The following LRCH3 variants were observed in gnomAD, a reference collection of about 807,000 sequenced individuals.
The protein encoded by LRCH3 is DISP complex protein LRCH3.
LRCH3 carries 68 observed loss-of-function variants against 104.5 expected under a neutral mutation model. The ratio of observed to expected loss-of-function variants is 0.65; its 90% confidence interval spans 0.54 to 0.80. The LOEUF (loss-of-function observed/expected upper bound fraction) is 0.80, where lower values mean the gene tolerates loss of function less well. Ranked by LOEUF, LRCH3 falls within the 30% of genes least tolerant of loss-of-function variation. The pLI is 0.00. For missense variants in LRCH3, 951 were observed against 953.9 expected, an observed-to-expected ratio of 1.00 and a Z score of 0.04; for synonymous variants, 344 against 361.3, an observed-to-expected ratio of 0.95 and a Z score of 0.54.
chr3:197,847,984 A>G lies in LRCH3; in HGVS notation c.1493A>G (p.Lys498Arg), dbSNP rs1739003389. The G allele has an allele frequency of 1.9e-6, 3 of 1,614,086 alleles. No homozygotes were observed. The highest frequency in any genetic ancestry group is 2.5e-6 in the Non-Finnish European group (3 of 1,180,044). The change falls in exon 12 of 21, where the codon AAG becomes AGG. Residue 498 changes from lysine to arginine, a missense_variant. Lys to Arg is a conservative substitution (Grantham distance 26). Transcript: ENST00000425562. ...TATGAGGAGGAGAAAATAAGGACCA[A>G]GCAGATCCAGAGAGATGCTGTCCTG... ...LQYEEEKIRT[K>R]QIQRDAVLDF... is the part of the protein sequence containing the mutation.
At chr3:197,821,425 G>GA (rs1362770725) in intron 4 of LRCH3, among the ~76,000 whole-genome samples, 5 of 152,154 alleles carry the variant, frequency 3.3e-5, no homozygotes, top group Non-Finnish European at 7.3e-5. Context: ...TATTTTATGA[G>GA]ATCCAGAATA....
intron 19 of LRCH3, among the ~76,000 whole-genome samples, chr3:197,875,119 CG>C (rs1712724353): frequency 6.6e-6 from 1 of 151,970 alleles, no homozygotes; most frequent in Non-Finnish European, 1.5e-5. Context: ...TTAGTAGAGA[CG>C]GGGTTTCTCC....
At chr3:197,826,698 A>ATCTCATTTTTACCACTTTGCTACCACTTT (rs1186846718) in intron 4 of LRCH3, among the ~76,000 whole-genome samples, 180 bp from the exon 5 acceptor site, 1 of 152,032 alleles carries the variant, frequency 6.6e-6, no homozygotes, top group African/African-American at 2.4e-5. Context: ...AGGCAACTGG[A>ATCTCATTTTTACCACTTTGCTACCACTTT]TCTCATTTTT....
At position 197,817,230 on chromosome 3, in the gene LRCH3, C is replaced by A. The variant is rs773086327; in HGVS notation, c.462C>A (p.Val154=). The A allele has an allele frequency of 2.8e-5, 45 of 1,610,054 alleles. No individual in the cohort carries two copies. The highest frequency in any genetic ancestry group is 3.6e-5 in the Non-Finnish European group (43 of 1,178,268). ...ACTTGTGTAATTTGCCATTGAAAGT[C>A]TTAATTGCTAGTAATAACAAATTGG... ...PVHLCNLPLK[V]LIASNNKLVS... The change falls in exon 3 of 21, where the codon GTC becomes GTA. Residue 154 remains valine, a synonymous_variant. Coordinates refer to ENST00000425562, the MANE Select transcript of LRCH3 (RefSeq NM_001365715.1).
chr3:197,880,077 C>T (rs1344770599), intron 20 of LRCH3, among the ~76,000 whole-genome samples: 3 of 151,272 alleles, frequency 2.0e-5, no homozygotes, highest in Non-Finnish European at 2.9e-5. Flanking sequence ...TCCCGAGTAG[C>T]TGGGACTACA....
intron 1 of LRCH3, among the ~76,000 whole-genome samples, chr3:197,792,603 A>G (rs1313497876): frequency 2.4e-5 from 2 of 83,936 alleles, no homozygotes; most frequent in African/African-American, 3.9e-5. Flanking sequence ...ATATATATAT[A>G]TAAAATATAC....
At chr3:197,828,265 T>C (rs181980472) in intron 5 of LRCH3, among the ~76,000 whole-genome samples, 1 of 152,302 alleles carries the variant, frequency 6.6e-6, no homozygotes, top group Non-Finnish European at 1.5e-5. Flanking sequence ...GTAATAATTA[T>C]AAAGTAGCTT....
intron 4 of LRCH3, among the ~76,000 whole-genome samples, chr3:197,823,879 G>A (rs1431681286): frequency 6.6e-6 from 1 of 152,098 alleles, no homozygotes; most frequent in Non-Finnish European, 1.5e-5. Context: ...GATAGATGAG[G>A]ATTTAGTTTC....
At chr3:197,880,127 A>G (rs1580923870) in intron 20 of LRCH3, among the ~76,000 whole-genome samples, 1 of 150,564 alleles carries the variant, frequency 6.6e-6, no homozygotes, top group East Asian at 1.9e-4. Context: ...TTGTATTTTT[A>G]GTAAAGACGG....
chr3:197,882,533 A>C, intron 20 of LRCH3: 1 of 945,736 alleles, frequency 1.1e-6, no homozygotes, highest in Non-Finnish European at 1.3e-6. Context: ...AAAAAACAAA[A>C]AACAAAAAAA....
At chr3:197,824,491 T>G (rs571580908) in intron 4 of LRCH3, among the ~76,000 whole-genome samples, 4 of 150,790 alleles carry the variant, frequency 2.7e-5, no homozygotes, top group Non-Finnish European at 5.9e-5. Flanking sequence ...TCTCTATCCC[T>G]TTTTTCCCTG....
intron 1 of LRCH3, among the ~76,000 whole-genome samples, chr3:197,812,839 G>C (rs768378968): frequency 1.4e-4 from 21 of 152,288 alleles, no homozygotes; most frequent in Non-Finnish European, 2.4e-4. Flanking sequence ...TGGGATTACA[G>C]GCGCAGGCCA....
intron 1 of LRCH3, among the ~76,000 whole-genome samples, chr3:197,812,136 C>T (rs1374062795): frequency 1.3e-5 from 2 of 152,172 alleles, no homozygotes; most frequent in Non-Finnish European, 2.9e-5. Flanking sequence ...GAACTTTTTT[C>T]ATTATCCCAG....
chr3:197,843,312 A>G (rs1444700478), intron 10 of LRCH3, among the ~76,000 whole-genome samples: 1 of 152,148 alleles, frequency 6.6e-6, no homozygotes, highest in Non-Finnish European at 1.5e-5. Flanking sequence ...AAATAAAGAA[A>G]AACAGAGAAG....
rs1169826396 is a variant in LRCH3, at chr3:197,848,037, G to A, written c.1530+16G>A. ...CTTTGTCAAAGTGAGTCGTTTGAAT[G>A]ATGCTGTTCAAGCTGCTGACTGGCT... On this transcript the variant is annotated intron_variant, in intron 12 of 20. Transcript: ENST00000425562. 1 of 1,613,026 alleles carries A rather than the reference G, an allele frequency of 6.2e-7. No homozygotes were observed. The highest frequency in any genetic ancestry group is 8.5e-7 in the Non-Finnish European group (1 of 1,179,182).
At chr3:197,838,142 T>TGGCC (rs1737152951) in intron 9 of LRCH3, among the ~76,000 whole-genome samples, 1 of 151,818 alleles carries the variant, frequency 6.6e-6, no homozygotes, top group African/African-American at 2.4e-5. Flanking sequence ...TGGTGTAGCT[T>TGGCC]GGCCTGGTGG....
intron 1 of LRCH3, among the ~76,000 whole-genome samples, chr3:197,797,577 T>G (rs1731364888): frequency 6.6e-6 from 1 of 151,908 alleles, no homozygotes; most frequent in African/African-American, 2.4e-5. Flanking sequence ...ATCCTAAAAC[T>G]AGGCCGGGCG....
intron 19 of LRCH3, among the ~76,000 whole-genome samples, chr3:197,874,704 G>GAA (rs113164952): frequency 2.0e-5 from 3 of 150,718 alleles, no homozygotes; most frequent in Admixed American, 6.6e-5. Context: ...TTTTAAAATG[G>GAA]AAAAAAAAAG....
chr3:197,813,514 T>C (rs6583264), intron 1 of LRCH3, among the ~76,000 whole-genome samples: 28,364 of 40,492 alleles, frequency 0.7, 10,001 homozygotes, highest in East Asian at 0.96. Flanking sequence ...CATATAATTT[T>C]TTTTTTTTTT....
Sources: allele counts gnomAD v4.1 joint callset (sites outside exome capture counted in the v4.1 genomes callset), GRCh38; gene constraint gnomAD v4.1.1; transcripts MANE v1.5; gene names NCBI Gene and HGNC (gene_info 2026-07-23, HGNC 2026-07-21).